Variants in ZNF679 observed in about 807,000 individuals in gnomAD.
The protein encoded by ZNF679 is hypothetical protein MGC42415.
ZNF679 carries 10 observed loss-of-function variants against 13.4 expected under a neutral mutation model. The ratio of observed to expected loss-of-function variants is 0.75; its 90% CI spans 0.46 to 1.27. The LOEUF (loss-of-function observed/expected upper bound fraction) is 1.27. Ranked by LOEUF, ZNF679 falls within the 50% of genes most tolerant of loss-of-function variation. The pLI, the probability that ZNF679 is intolerant of heterozygous loss-of-function variation, is 0.00. For synonymous variants in ZNF679, 179 were observed against 162.5 expected, an observed-to-expected ratio of 1.10 and a Z score of -0.77; for missense variants, 525 against 477.8, an observed-to-expected ratio of 1.10 and a Z score of -0.92.
At chr7:64,256,375 CAT>C (rs1177347508) in intron 2 of ZNF679, among the ~76,000 whole-genome samples, 34 of 152,284 alleles carry the variant, frequency 2.2e-4, no homozygotes, top group Admixed American at 9.2e-4. Flanking sequence ...CTGTAATAAA[CAT>C]GTGTGTGCAT....
At chr7:64,245,426 A>AGAGAGAGAGAGAGAGAGAGAGG (rs1787855093) in intron 1 of ZNF679, among the ~76,000 whole-genome samples, 4 of 148,502 alleles carry the variant, frequency 2.7e-5, no homozygotes, top group African/African-American at 5.0e-5. Flanking sequence ...AGAGAAAGAG[A>AGAGAGAGAGAGAGAGAGAGAGG]GAGAGAGAGA....
intron 4 of ZNF679, among the ~76,000 whole-genome samples, chr7:64,262,611 A>G (rs1209915304): frequency 6.6e-6 from 1 of 152,190 alleles, no homozygotes; most frequent in Non-Finnish European, 1.5e-5. Context: ...CTTGTGGCAG[A>G]TTATTTGCTC....
intron 4 of ZNF679, 48 bp downstream of exon 4, chr7:64,260,977 G>A (rs1292738786): frequency 2.6e-6 from 4 of 1,556,760 alleles, no homozygotes; most frequent in Non-Finnish European, 3.5e-6. Flanking sequence ...AGGTGCAAAA[G>A]TCAAGGAGGA....
At position 64,264,466 on chromosome 7, in the gene ZNF679, A is replaced by G. The variant is rs1228760576; in HGVS notation, c.263-1430A>G. Reference sequence around the variant, plus strand: ...TTTGTATATGCATATGTTTTTCAGAAAGTTATATATTTTCATATGATTATG... The same window carrying G: ...TTTGTATATGCATATGTTTTTCAGAGAGTTATATATTTTCATATGATTATG... On this transcript the variant is annotated intron_variant, in intron 4 of 4. Transcript: ENST00000421025. Among the ~76,000 whole-genome samples the G allele has an allele frequency of 2.0e-5, 3 of 152,040 alleles. No individual in the cohort carries two copies. The East Asian group carries it at 5.8e-4, about 29-fold the overall frequency.
rs201690646 is a variant in ZNF679, at chr7:64,264,535, AG to A, written c.263-1360del. Among the ~76,000 whole-genome samples, 302 of 152,112 alleles carry A rather than the reference AG, an allele frequency of 2.0e-3. 2 individuals carry two copies. The highest frequency in any genetic ancestry group is 6.9e-3 in the African/African-American group (286 of 41,530). On this transcript the variant is annotated intron_variant, in intron 4 of 4. Transcript: ENST00000421025. ...ATTTTAAGCGGCAGGACCTCTTTTC[AG>A]CATTTTATTTAGGGCACATGCAGTG...
At chr7:64,249,620 A>G (rs1242437650) in intron 2 of ZNF679, among the ~76,000 whole-genome samples, 5 of 152,316 alleles carry the variant, frequency 3.3e-5, no homozygotes, top group African/African-American at 1.2e-4. Flanking sequence ...TAGAGTGCCC[A>G]GCTATGGTTT....
intron 1 of ZNF679, among the ~76,000 whole-genome samples, chr7:64,241,426 A>G (rs1353503998): frequency 6.6e-6 from 1 of 152,172 alleles, no homozygotes. Context: ...CCCTTAGTGC[A>G]GGGGCAATTC....
chr7:64,266,643 C>G lies in ZNF679; in HGVS notation c.1010C>G (p.Ser337Ter), dbSNP rs752400295. 1.5e-5 allele frequency: 24 copies of G among 1,610,454 alleles called. No individual in the cohort carries two copies. Among genetic ancestry groups the G allele is most frequent in the Non-Finnish European group, 1.9e-5 (22 of 1,177,016 alleles). The change falls in exon 5 of 5, where the codon TCA (serine) becomes TGA (stop). Residue 337 changes from serine (S) to a stop codon, truncating the protein, a stop_gained. Transcript: ENST00000421025. LOFTEE classifies it low-confidence loss of function (END_TRUNC). Reference sequence around the variant, plus strand: ...TGTGGCAAAGCCTTTAACTGCTCCTCAACCCTTAAGAAACATAAGATAATT... The same window carrying G: ...TGTGGCAAAGCCTTTAACTGCTCCTGAACCCTTAAGAAACATAAGATAATT... ...EECGKAFNCSSTLKKHKIIHT... is the reference protein window; with the variant it reads ...EECGKAFNCS
intron 1 of ZNF679, among the ~76,000 whole-genome samples, chr7:64,237,737 G>A (rs1787746249): frequency 1.3e-5 from 2 of 152,114 alleles, no homozygotes; most frequent in Non-Finnish European, 1.5e-5. Context: ...GGCACCATGG[G>A]CCCATCTATG....
intron 1 of ZNF679, among the ~76,000 whole-genome samples, chr7:64,245,580 G>T (rs1787858457): frequency 6.6e-6 from 1 of 152,134 alleles, no homozygotes; most frequent in Admixed American, 6.5e-5. Context: ...GGTTGTGAAA[G>T]AATCTTTTTT....
intron 2 of ZNF679, among the ~76,000 whole-genome samples, chr7:64,250,940 A>T (rs1787937084): frequency 6.6e-6 from 1 of 152,178 alleles, no homozygotes; most frequent in African/African-American, 2.4e-5. Context: ...CCACAGACTA[A>T]CTGCCTTGCA....
intron 1 of ZNF679, among the ~76,000 whole-genome samples, chr7:64,236,612 T>C (rs1787715944): frequency 6.6e-6 from 1 of 151,812 alleles, no homozygotes; most frequent in Non-Finnish European, 1.5e-5. Flanking sequence ...TGGCGAAACC[T>C]CATCTCTTAA....
intron 1 of ZNF679, among the ~76,000 whole-genome samples, chr7:64,245,897 T>G (rs2116524174): frequency 6.6e-6 from 1 of 152,212 alleles, no homozygotes; most frequent in South Asian, 2.1e-4. Context: ...TCCCAGGTAC[T>G]CAGGAGGCTG....
intron 2 of ZNF679, among the ~76,000 whole-genome samples, chr7:64,251,655 C>T (rs942508792): frequency 6.6e-6 from 1 of 152,126 alleles, no homozygotes; most frequent in African/African-American, 2.4e-5. Context: ...GGTCTTAGTA[C>T]TGCTTTGGGA....
intron 1 of ZNF679, among the ~76,000 whole-genome samples, chr7:64,244,186 G>T (rs1403074475): frequency 6.6e-6 from 1 of 152,098 alleles, no homozygotes; most frequent in Non-Finnish European, 1.5e-5. Context: ...GTAGGTGGAG[G>T]TTGCAGTGAG....
At chr7:64,230,698 A>C (rs2116503394) in intron 1 of ZNF679, among the ~76,000 whole-genome samples, 1 of 152,344 alleles carries the variant, frequency 6.6e-6, no homozygotes, top group Non-Finnish European at 1.5e-5. Context: ...TCACACCTGC[A>C]GGAATGTCCA....
chr7:64,238,663 C>T (rs1787756995), intron 1 of ZNF679, among the ~76,000 whole-genome samples: 1 of 152,214 alleles, frequency 6.6e-6, no homozygotes. Flanking sequence ...GCTGGGATTA[C>T]AGGCATGAGC....
At chr7:64,255,606 G>A (rs564421254) in intron 2 of ZNF679, among the ~76,000 whole-genome samples, 1 of 124,784 alleles carries the variant, frequency 8.0e-6, no homozygotes, top group Admixed American at 8.2e-5. Context: ...TCCCACCCAT[G>A]ATTTTTTTTA....
At chr7:64,235,756 T>A (rs1310964179) in intron 1 of ZNF679, among the ~76,000 whole-genome samples, 1 of 149,208 alleles carries the variant, frequency 6.7e-6, no homozygotes, top group Non-Finnish European at 1.5e-5. Context: ...GCCACTGCAC[T>A]CCAGCCTGGG....
Sources: allele counts gnomAD v4.1 joint callset (sites outside exome capture counted in the v4.1 genomes callset), GRCh38; gene constraint gnomAD v4.1.1; transcripts MANE v1.5; gene names NCBI Gene and HGNC (gene_info 2026-07-23, HGNC 2026-07-21).